The following SPAG9 variants were observed in gnomAD, a reference collection of about 807,000 sequenced individuals.
The protein encoded by SPAG9 is C-Jun-amino-terminal kinase-interacting protein 4.
Under a neutral mutation model 166.5 loss-of-function variants are expected in SPAG9, and 35 were observed. That is an observed-to-expected ratio of 0.21 (90% CI 0.16 to 0.28). The LOEUF (loss-of-function observed/expected upper bound fraction) is 0.28, where lower values mean the gene tolerates loss of function less well. SPAG9 is among the 10% of genes least tolerant of loss of function. SPAG9 has a pLI of 1.00. For missense variants in SPAG9, 1,235 were observed against 1,603.3 expected, an observed-to-expected ratio of 0.77 and a Z score of 3.92; for synonymous variants, 534 against 565.5, an observed-to-expected ratio of 0.94 and a Z score of 0.79.
Position 50,974,792 on chromosome 17 carries a change from T to C in SPAG9, c.3679A>G (p.Lys1227Glu). The C allele has an allele frequency of 6.2e-7, 1 of 1,600,292 alleles. No homozygotes were observed. Among genetic ancestry groups the C allele is most frequent in the Non-Finnish European group, 8.5e-7 (1 of 1,176,482 alleles). ...ATACCTGGGACTGCCACAAAGAATTTCACAGCATCCCGGTGCCCATGGAAG... is the reference window on the plus strand; with the variant it reads ...ATACCTGGGACTGCCACAAAGAATTCCACAGCATCCCGGTGCCCATGGAAG... ...LCFHGHRDAVKFFVAVPGQVI... is the reference protein window; with the variant it reads ...LCFHGHRDAVEFFVAVPGQVI... Residue 1227 changes from lysine to glutamate, a missense_variant, in exon 28 of 30, where the codon AAA becomes GAA. By Grantham distance (56) the Lys-to-Glu change is moderately conservative. Around this residue, in one of 6 missense-constraint regions of SPAG9, gnomAD observed 243 missense variants for 358.6 expected, o/e 0.68. Coordinates refer to ENST00000262013, the MANE Select transcript of SPAG9 (RefSeq NM_001130528.3).
chr17:51,056,574 C>CT, intron 2 of SPAG9, 92 bp from the exon 3 acceptor site: 4 of 758,712 alleles, frequency 5.3e-6, no homozygotes, highest in Non-Finnish European at 9.1e-6. Context: ...ATCCATAATC[C>CT]TTAGCAACTT....
intron 1 of SPAG9, among the ~76,000 whole-genome samples, chr17:51,093,714 AAG>A (rs2048535583): frequency 6.6e-6 from 1 of 151,386 alleles, no homozygotes; most frequent in African/African-American, 2.4e-5. Context: ...AAAAAAAAAA[AAG>A]AAAATTATAA....
chr17:51,088,237 C>T (rs1209749608), intron 1 of SPAG9, among the ~76,000 whole-genome samples: 1 of 152,220 alleles, frequency 6.6e-6, no homozygotes, highest in Non-Finnish European at 1.5e-5. Context: ...TTAAGCCACA[C>T]ACCTATTCAC....
intron 22 of SPAG9, 41 bp downstream of exon 22, chr17:50,987,071 G>T: frequency 6.4e-7 from 1 of 1,564,440 alleles, no homozygotes; most frequent in South Asian, 1.2e-5. Flanking sequence ...AAAAGCAAAA[G>T]TAAAACAACA....
chr17:50,975,547 A>G (rs1278696159), intron 27 of SPAG9, among the ~76,000 whole-genome samples: 4 of 152,226 alleles, frequency 2.6e-5, no homozygotes, highest in South Asian at 4.1e-4. Flanking sequence ...AATGAAAGAA[A>G]TATGATCGGT....
chr17:51,089,166 G>C (rs1411840165), intron 1 of SPAG9, among the ~76,000 whole-genome samples: 1 of 151,720 alleles, frequency 6.6e-6, no homozygotes, highest in Non-Finnish European at 1.5e-5. Context: ...GCTCATGCCT[G>C]TAATCCTAGC....
At chr17:51,001,944 T>C in intron 12 of SPAG9, 99 bp from the exon 13 acceptor site, 1 of 1,081,608 alleles carries the variant, frequency 9.2e-7, no homozygotes, top group Non-Finnish European at 1.3e-6. Flanking sequence ...TAAGCATTCC[T>C]TAATTTTTAA....
intron 1 of SPAG9, among the ~76,000 whole-genome samples, chr17:51,105,965 TA>T (rs1440715437): frequency 1.3e-5 from 2 of 150,750 alleles, no homozygotes; most frequent in Non-Finnish European, 1.5e-5. Context: ...CTTGCTTGGT[TA>T]AAAAAAATAA....
chr17:51,001,591 G>C (rs1389136426), intron 13 of SPAG9, 124 bp downstream of exon 13: 2 of 884,828 alleles, frequency 2.3e-6, no homozygotes, highest in African/African-American at 1.7e-5. Flanking sequence ...ACTTTAAAAA[G>C]TCTCTCCTAG....
chr17:51,107,914 C>CA (rs1313560884), intron 1 of SPAG9, among the ~76,000 whole-genome samples: 167 of 122,924 alleles, frequency 1.4e-3, no homozygotes, highest in East Asian at 2.7e-3. Context: ...GACACTGTCT[C>CA]AAAAAAAAAA....
intron 4 of SPAG9, chr17:51,046,891 C>A: frequency 1.3e-6 from 2 of 1,517,050 alleles, no homozygotes; most frequent in Non-Finnish European, 1.8e-6. Flanking sequence ...CAACCCCAAG[C>A]GACAGCCAGC....
At chr17:51,104,313 A>G (rs1377026116) in intron 1 of SPAG9, among the ~76,000 whole-genome samples, 2 of 152,194 alleles carry the variant, frequency 1.3e-5, no homozygotes, top group Non-Finnish European at 2.9e-5. Context: ...CAATGAGCAC[A>G]GTATCATGCA....
intron 1 of SPAG9, among the ~76,000 whole-genome samples, chr17:51,083,224 CTTTTTTCTTTTTTTT>C (rs941128360): frequency 6.7e-6 from 1 of 149,292 alleles, no homozygotes; most frequent in Non-Finnish European, 1.5e-5. Flanking sequence ...GTTGGTTTTT[CTTTTTTCTTTTTTTT>C]TTTTTTCTTT....
intron 26 of SPAG9, 119 bp downstream of exon 26, chr17:50,979,627 G>T: frequency 3.3e-6 from 3 of 912,490 alleles, no homozygotes; most frequent in Non-Finnish European, 5.1e-6. Context: ...CTGCACCTGT[G>T]CATAGCCACT....
intron 28 of SPAG9, among the ~76,000 whole-genome samples, chr17:50,974,378 C>T (rs1175261421): frequency 2.0e-5 from 3 of 152,180 alleles, no homozygotes; most frequent in African/African-American, 7.2e-5. Context: ...CTGCTTTTTC[C>T]TATTAAGCTG....
chr17:50,990,020 G>T, intron 20 of SPAG9, 148 bp from the exon 21 acceptor site: 1 of 715,086 alleles, frequency 1.4e-6, no homozygotes, highest in Non-Finnish European at 2.3e-6. Context: ...CCATTTAACA[G>T]TCATTACAGC....
Position 50,990,681 on chromosome 17 carries a change from T to C in SPAG9, c.2399-13A>G. 1 of 1,605,648 alleles carries C rather than the reference T, an allele frequency of 6.2e-7. No homozygotes were observed. The highest frequency in any genetic ancestry group is 8.5e-7 in the Non-Finnish European group (1 of 1,172,354). ...GTTTCTCGTGCACCTGAAAAATAAA[T>C]CTTCTTGTAACAGCAAAGTAAACTT... On this transcript the variant is annotated splice_polypyrimidine_tract_variant and intron_variant, in intron 19 of 29. Transcript: ENST00000262013.
At chr17:51,089,663 T>TATATATATATATAC (rs1403230293) in intron 1 of SPAG9, among the ~76,000 whole-genome samples, 4 of 78,302 alleles carry the variant, frequency 5.1e-5, no homozygotes, top group East Asian at 3.4e-4. Context: ...TATATATATA[T>TATATATATATATAC]ACACATACAC....
At chr17:50,991,632 T>A (rs994907537) in intron 19 of SPAG9, among the ~76,000 whole-genome samples, 6 of 151,918 alleles carry the variant, frequency 3.9e-5, no homozygotes, top group African/African-American at 1.5e-4. Context: ...CCATTATTTT[T>A]TTTTTTTGGC....
Sources: gnomAD v4.1 joint callset for allele counts (sites outside exome capture counted in the v4.1 genomes callset) on GRCh38, gnomAD v4.1.1 for gene constraint, gnomAD v4.1.1 regional missense constraint, MANE v1.5 for transcripts, NCBI Gene and HGNC (gene_info 2026-07-23, HGNC 2026-07-21) for gene names.